Variants in CDCA2 observed in about 807,000 individuals in gnomAD.
CDCA2 encodes the protein cell division cycle-associated protein 2.
In CDCA2, 44 loss-of-function variants were observed where a neutral mutation model predicts 67.0. The ratio of observed to expected loss-of-function variants is 0.66; its 90% CI spans 0.52 to 0.84. The LOEUF (loss-of-function observed/expected upper bound fraction) is 0.84. CDCA2 is among the 40% of genes least tolerant of loss of function. The pLI is 0.00. For synonymous variants in CDCA2, 447 were observed against 418.7 expected (o/e 1.07, Z -0.82); for missense variants, 1,253 against 1,203.2 (o/e 1.04, Z -0.61).
At chr8:25,479,112 T>C (rs4576428) in intron 7 of CDCA2, among the ~76,000 whole-genome samples, 61,592 of 151,778 alleles carry the variant, frequency 0.41, 12,883 homozygotes, top group African/African-American at 0.52. Context: ...TACATGCACA[T>C]ACTTTTTGTG....
chr8:25,496,556 G>T (rs1804230812), intron 13 of CDCA2, among the ~76,000 whole-genome samples: 1 of 151,972 alleles, frequency 6.6e-6, no homozygotes, highest in South Asian at 2.1e-4. Context: ...ATCTGATAAG[G>T]GGTTAATAGC....
chr8:25,466,641 A>G (rs1275812208), intron 5 of CDCA2, among the ~76,000 whole-genome samples: 6 of 152,166 alleles, frequency 3.9e-5, no homozygotes, highest in Admixed American at 3.9e-4. Flanking sequence ...TGAGTTTACA[A>G]ATCTTGATTT....
intron 9 of CDCA2, 26 bp downstream of exon 9, chr8:25,483,512 G>A (rs1300907978): frequency 6.6e-7 from 1 of 1,505,916 alleles, no homozygotes; most frequent in Admixed American, 1.8e-5. Context: ...TTGTTTTTAA[G>A]CTTGAGGATA....
At chr8:25,475,241 C>G (rs1222202347) in intron 7 of CDCA2, among the ~76,000 whole-genome samples, 1 of 152,194 alleles carries the variant, frequency 6.6e-6, no homozygotes, top group Non-Finnish European at 1.5e-5. Flanking sequence ...AATATTTGGG[C>G]TGGGTGTAGT....
intron 8 of CDCA2, among the ~76,000 whole-genome samples, chr8:25,481,233 CAAAAA>C (rs11438950): frequency 7.8e-6 from 1 of 128,754 alleles, no homozygotes; most frequent in Non-Finnish European, 1.6e-5. Flanking sequence ...CAGTCTGGGA[CAAAAA>C]AAAAAAAAAA....
At chr8:25,473,253 C>T (rs1803228379) in intron 7 of CDCA2, among the ~76,000 whole-genome samples, 1 of 152,110 alleles carries the variant, frequency 6.6e-6, no homozygotes, top group Non-Finnish European at 1.5e-5. Flanking sequence ...ATCCATTCAC[C>T]CATTAATGGA....
chr8:25,477,645 A>T (rs993726338), intron 7 of CDCA2, among the ~76,000 whole-genome samples: 1 of 152,206 alleles, frequency 6.6e-6, no homozygotes, highest in Non-Finnish European at 1.5e-5. Context: ...AACTCTTTCT[A>T]GGTGACTTCA....
chr8:25,506,979 A>G lies in CDCA2; in HGVS notation c.2313A>G (p.Gly771=). The G allele has an allele frequency of 1.9e-6, 3 of 1,614,136 alleles. No homozygotes were observed. Among genetic ancestry groups the G allele is most frequent in the Non-Finnish European group, 8.5e-7 (1 of 1,179,972 alleles). ...GTGAAAGAAAGGATGACTTCTTAGG[A>G]GCTGCAGAAGGAAAACTGCAATGCA... ...IKCERKDDFL[G]AAEGKLQCNR... Residue 771 remains glycine, a synonymous_variant, in exon 15 of 15, where the codon GGA becomes GGG. Transcript: ENST00000330560.
chr8:25,504,565 C>G (rs1314548611), intron 14 of CDCA2, among the ~76,000 whole-genome samples: 4 of 152,274 alleles, frequency 2.6e-5, no homozygotes, highest in Admixed American at 2.6e-4. Flanking sequence ...TAATAATAGA[C>G]TTGAGGATGA....
At chr8:25,461,935 GT>G in intron 3 of CDCA2, 118 bp from the exon 4 acceptor site, 2 of 998,778 alleles carry the variant, frequency 2.0e-6, no homozygotes, top group East Asian at 2.5e-5. Context: ...TCTCCACTGA[GT>G]TTTTTGTAGC....
chr8:25,486,912 C>T (rs1208479734), intron 11 of CDCA2, among the ~76,000 whole-genome samples: 1 of 151,990 alleles, frequency 6.6e-6, no homozygotes, highest in African/African-American at 2.4e-5. Context: ...TCCTTTATTG[C>T]GATTTCATTA....
At chr8:25,497,507 A>T (rs1283571309) in intron 13 of CDCA2, among the ~76,000 whole-genome samples, 9 of 88,442 alleles carry the variant, frequency 1.0e-4, no homozygotes, top group East Asian at 3.7e-4. Context: ...AATAAAAAAT[A>T]AAAAAAAAAA....
intron 13 of CDCA2, among the ~76,000 whole-genome samples, chr8:25,497,503 A>T (rs1804274342): frequency 3.6e-5 from 1 of 27,944 alleles, no homozygotes; most frequent in Admixed American, 4.4e-4. Context: ...AAAAAATAAA[A>T]AATAAAAAAA....
chr8:25,478,910 A>G (rs946250065), intron 7 of CDCA2, among the ~76,000 whole-genome samples: 10 of 149,248 alleles, frequency 6.7e-5, no homozygotes, highest in African/African-American at 2.5e-4. Flanking sequence ...ATATATATAT[A>G]TATTAACTTT....
intron 7 of CDCA2, among the ~76,000 whole-genome samples, chr8:25,479,345 T>TCA (rs1180513464): frequency 1.3e-5 from 2 of 152,198 alleles, no homozygotes; most frequent in Non-Finnish European, 2.9e-5. Context: ...GGAGTGCCTG[T>TCA]CACATCATGT....
At position 25,488,669 on chromosome 8, in the gene CDCA2, G is replaced by C; in HGVS notation, c.1651G>C (p.Ala551Pro). 1.2e-6 allele frequency: 2 copies of C among 1,608,704 alleles called. No homozygotes were observed. The highest frequency in any genetic ancestry group is 1.1e-5 in the South Asian group (1 of 90,080). Residue 551 changes from alanine to proline, a missense_variant, in exon 13 of 15, where the codon GCA becomes CCA. Physicochemically the swap from Ala to Pro is conservative, Grantham distance 27. Coordinates refer to ENST00000330560, the MANE Select transcript of CDCA2 (RefSeq NM_152562.4). ...TCAAGAAACAAAGTGTACAAAGAGA[G>C]CACTTCCTAAGAAGAGTCAGGTAAG... ...KSQETKCTKR[A>P]LPKKSQVLKS... is the part of the protein sequence containing the mutation.
intron 13 of CDCA2, among the ~76,000 whole-genome samples, chr8:25,501,543 G>C (rs773826775): frequency 3.3e-5 from 5 of 152,242 alleles, no homozygotes; most frequent in Non-Finnish European, 7.3e-5. Context: ...GTGCTGTGCT[G>C]TCTCACTTTG....
chr8:25,478,281 A>G (rs1372574838), intron 7 of CDCA2, among the ~76,000 whole-genome samples: 1 of 152,148 alleles, frequency 6.6e-6, no homozygotes, highest in Non-Finnish European at 1.5e-5. Flanking sequence ...AAATGCTACT[A>G]GGTCTTCAAA....
chr8:25,481,457 G>C (rs1035059074), intron 8 of CDCA2, among the ~76,000 whole-genome samples: 5 of 152,168 alleles, frequency 3.3e-5, no homozygotes, highest in African/African-American at 1.2e-4. Flanking sequence ...TTGGGAGGCC[G>C]AGGCAGGTGG....
Sources: allele counts gnomAD v4.1 joint callset (sites outside exome capture counted in the v4.1 genomes callset), GRCh38; gene constraint gnomAD v4.1.1; transcripts MANE v1.5; gene names NCBI Gene and HGNC (gene_info 2026-07-23, HGNC 2026-07-21).